Variants in TMEM132D observed in about 807,000 individuals in gnomAD.
TMEM132D encodes the protein transmembrane protein 132D.
TMEM132D carries 21 observed loss-of-function variants against 62.3 expected under a neutral mutation model. The ratio of observed to expected loss-of-function variants is 0.34; its 90% CI spans 0.24 to 0.49. The LOEUF is 0.49. TMEM132D is among the 20% of genes least tolerant of loss of function. The probability of loss-of-function intolerance (pLI) is 0.99; values close to 1 mark genes in which losing one functional copy is unlikely to be tolerated. For missense variants in TMEM132D, 1,346 were observed against 1,402.8 expected, an observed-to-expected ratio of 0.96 and a Z score of 0.65; for synonymous variants, 621 against 575.6, an observed-to-expected ratio of 1.08 and a Z score of -1.13.
intron 4 of TMEM132D, among the ~76,000 whole-genome samples, chr12:129,225,001 CAG>C (rs1467888030): frequency 6.6e-6 from 1 of 152,046 alleles, no homozygotes; most frequent in Non-Finnish European, 1.5e-5. Context: ...AATACGGAAA[CAG>C]GAGAGCTTAG....
In TMEM132D at chr12:129,457,106, T is replaced by C. The variant is rs201790142; in HGVS notation, c.1115+73953A>G. On this transcript the variant is annotated intron_variant, in intron 3 of 8. Transcript: ENST00000422113. ...CATTACTGGGTATATACCCAAAGGA[T>C]TATAAATCATGCTGCTATAAAGACA... 0.02 allele frequency among the ~76,000 whole-genome samples: 3,068 copies of C among 151,634 alleles called. 293 individuals are homozygous for C. The East Asian group carries it at 0.29, about 14-fold the overall frequency.
intron 3 of TMEM132D, among the ~76,000 whole-genome samples, chr12:129,481,756 G>A (rs1429607294): frequency 6.6e-6 from 1 of 152,164 alleles, no homozygotes; most frequent in Non-Finnish European, 1.5e-5. Flanking sequence ...TGATCTAGCA[G>A]TGTTTATAAA....
intron 3 of TMEM132D, among the ~76,000 whole-genome samples, chr12:129,500,549 A>G (rs752862777): frequency 2.0e-5 from 3 of 152,170 alleles, no homozygotes; most frequent in African/African-American, 4.8e-5. Flanking sequence ...AACCTGCCCA[A>G]AGGGACCTGG....
intron 5 of TMEM132D, among the ~76,000 whole-genome samples, chr12:129,090,117 G>A (rs993755725): frequency 6.6e-6 from 1 of 152,200 alleles, no homozygotes; most frequent in African/African-American, 2.4e-5. Context: ...GATCGATGGC[G>A]CTGAGGAGAA....
At chr12:129,813,590 A>G (rs546469652) in intron 1 of TMEM132D, among the ~76,000 whole-genome samples, 39 of 139,846 alleles carry the variant, frequency 2.8e-4, no homozygotes, top group African/African-American at 1.0e-3. Context: ...CCAGTGAAGG[A>G]TGGACGGATA....
intron 3 of TMEM132D, among the ~76,000 whole-genome samples, chr12:129,502,969 A>T (rs553102073): frequency 7.1e-4 from 108 of 152,334 alleles, no homozygotes; most frequent in African/African-American, 2.6e-3. Context: ...GAGGGCAAGA[A>T]CCTTGACTGT....
chr12:129,250,842 C>A (rs1293401213), intron 4 of TMEM132D, among the ~76,000 whole-genome samples: 1 of 152,090 alleles, frequency 6.6e-6, no homozygotes, highest in African/African-American at 2.4e-5. Flanking sequence ...AGTGAGATAC[C>A]AAATCATACT....
chr12:129,366,434 A>G (rs964696418), intron 3 of TMEM132D, among the ~76,000 whole-genome samples: 2 of 152,068 alleles, frequency 1.3e-5, no homozygotes, highest in Admixed American at 6.5e-5. Flanking sequence ...TGGCCATGTG[A>G]CACGCCTGCT....
intron 2 of TMEM132D, among the ~76,000 whole-genome samples, chr12:129,600,732 G>A (rs1193803804): frequency 6.6e-6 from 1 of 152,170 alleles, no homozygotes; most frequent in African/African-American, 2.4e-5. Context: ...CATTGTTAAA[G>A]GCATCTTTTT....
intron 2 of TMEM132D, among the ~76,000 whole-genome samples, chr12:129,587,893 TA>T (rs1350646073): frequency 2.0e-5 from 3 of 152,218 alleles, no homozygotes; most frequent in Non-Finnish European, 4.4e-5. Flanking sequence ...CAACAGCAAT[TA>T]ACCACGTTAT....
At chr12:129,602,286 C>T (rs183541932) in intron 2 of TMEM132D, among the ~76,000 whole-genome samples, 39 of 152,168 alleles carry the variant, frequency 2.6e-4, no homozygotes, top group African/African-American at 8.7e-4. Context: ...TTCCACCTTT[C>T]CAAAAACAGA....
At chr12:129,741,265 A>C (rs1869595580) in intron 1 of TMEM132D, among the ~76,000 whole-genome samples, 2 of 152,228 alleles carry the variant, frequency 1.3e-5, no homozygotes, top group Admixed American at 6.5e-5. Context: ...AGTGGGAAAT[A>C]ACTTTCCTTG....
At chr12:129,405,284 T>C in intron 3 of TMEM132D, among the ~76,000 whole-genome samples, 1 of 151,818 alleles carries the variant, frequency 6.6e-6, no homozygotes, top group East Asian at 1.9e-4. Flanking sequence ...ACAGAAAGCT[T>C]TCTGGTGTCT....
intron 4 of TMEM132D, among the ~76,000 whole-genome samples, chr12:129,247,755 TGAG>T (rs1880159788): frequency 6.6e-6 from 1 of 152,072 alleles, no homozygotes. Flanking sequence ...GAAGTCCAGG[TGAG>T]GAGGTGGCTG....
In TMEM132D at chr12:129,232,598, A is replaced by G. The variant is rs540789158; in HGVS notation, c.1300-22935T>C. On this transcript the variant is annotated intron_variant, in intron 4 of 8. Transcript: ENST00000422113. ...GTCTTCACCTCCCAGGGCTTCTGTG[A>G]CCACCGAACGATTACTATTTGCCCC... 3.2e-3 allele frequency among the ~76,000 whole-genome samples: 489 copies of G among 152,234 alleles called. 1 individual carries two copies. The highest frequency in any genetic ancestry group is 5.1e-3 in the Non-Finnish European group (349 of 68,024).
intron 4 of TMEM132D, among the ~76,000 whole-genome samples, chr12:129,232,505 A>G (rs1310531864): frequency 6.6e-6 from 1 of 152,214 alleles, no homozygotes; most frequent in African/African-American, 2.4e-5. Flanking sequence ...TTCTGGTCCA[A>G]GGAGATTCTA....
intron 4 of TMEM132D, among the ~76,000 whole-genome samples, chr12:129,267,314 C>G (rs1191134107): frequency 6.6e-6 from 1 of 152,162 alleles, no homozygotes; most frequent in African/African-American, 2.4e-5. Flanking sequence ...TCTCCTTAAG[C>G]TGATAGGCAA....
chr12:129,199,978 C>A (rs1164766840), intron 5 of TMEM132D, among the ~76,000 whole-genome samples: 1 of 152,176 alleles, frequency 6.6e-6, no homozygotes, highest in African/African-American at 2.4e-5. Context: ...AGGAAGTCAA[C>A]TTTAGGAAAG....
chr12:129,534,553 C>T (rs895413528), intron 2 of TMEM132D, among the ~76,000 whole-genome samples: 2 of 152,034 alleles, frequency 1.3e-5, no homozygotes, highest in African/African-American at 4.8e-5. Flanking sequence ...AAATGTGGTG[C>T]GCAATTGTTG....
Sources: gnomAD v4.1 joint callset for allele counts (sites outside exome capture counted in the v4.1 genomes callset) on GRCh38, gnomAD v4.1.1 for gene constraint, MANE v1.5 for transcripts, NCBI Gene and HGNC (gene_info 2026-07-23, HGNC 2026-07-21) for gene names.